Variants in RAB11FIP5 observed in about 807,000 individuals in gnomAD.
RAB11FIP5 encodes rab11 family-interacting protein 5.
Under a neutral mutation model 85.1 loss-of-function variants are expected in RAB11FIP5, and 48 were observed. That is an observed-to-expected ratio of 0.56 (90% CI 0.45 to 0.72). RAB11FIP5 has a LOEUF of 0.72. Among genes scored for constraint, RAB11FIP5 ranks in the 30% least tolerant of loss-of-function variants. RAB11FIP5 has a pLI of 0.00. For synonymous variants in RAB11FIP5, 729 were observed against 727.3 expected, an observed-to-expected ratio of 1.00 and a Z score of -0.04; for missense variants, 1,491 against 1,687.0, an observed-to-expected ratio of 0.88 and a Z score of 2.04.
Position 73,078,399 on chromosome 2 carries a change from G to C in RAB11FIP5, c.3581+1252C>G, listed in dbSNP as rs1334791389. On this transcript the variant is annotated intron_variant, in intron 4 of 5. Coordinates refer to ENST00000486777, the MANE Select transcript of RAB11FIP5 (RefSeq NM_001371272.1). The surrounding 1 kb of genome is among the most constrained non-coding windows in gnomAD (Gnocchi z 4.4). ...ATAAAAAGTGGCAAGTATTATTAGAGGTCATGCTGGCAGACAGCAGGGCCA... is the reference window on the plus strand; with the variant it reads ...ATAAAAAGTGGCAAGTATTATTAGACGTCATGCTGGCAGACAGCAGGGCCA... Among the ~76,000 whole-genome samples, 2 of 152,198 alleles carry C rather than the reference G, an allele frequency of 1.3e-5. No homozygotes were observed. The highest frequency in any genetic ancestry group is 4.8e-5 in the African/African-American group (2 of 41,450).
At chr2:73,106,616 C>A (rs567681344) in intron 1 of RAB11FIP5, among the ~76,000 whole-genome samples, 1 of 152,346 alleles carries the variant, frequency 6.6e-6, no homozygotes, top group South Asian at 2.1e-4. Context: ...TAAAACCTGG[C>A]AGGCACTTCC....
Position 73,081,593 on chromosome 2 carries a change from C to G in RAB11FIP5, c.1639G>C (p.Ala547Pro), listed in dbSNP as rs572221466. ...GGAGCAGGAGTGGGAGGGGCCGGAG[C>G]CCAGGGGGAGCAGGGGAGGTGGTGA... The part of the protein sequence containing the change: ...LPHHLPCSPW[A>P]PAPPTPAPTA... Residue 547 changes from alanine to proline, a missense_variant, in exon 4 of 6, where the codon GCT becomes CCT. Physicochemically the swap from Ala to Pro is conservative, Grantham distance 27 (BLOSUM62 -1). Around this residue, in one of 3 missense-constraint regions of RAB11FIP5, gnomAD observed 1,211 missense variants for 1,338.0 expected, o/e 0.91. Coordinates refer to ENST00000486777, the MANE Select transcript of RAB11FIP5 (RefSeq NM_001371272.1). This position sits in a 1 kb window ranked among gnomAD's most constrained non-coding sequence, Gnocchi z 4.2. 60 of 1,213,192 alleles carry G rather than the reference C, an allele frequency of 4.9e-5. No homozygotes were observed. The South Asian group carries it at 2.0e-3, about 41-fold the overall frequency. 75.2% of individuals were successfully genotyped at this position (1,213,192 alleles called of 1,614,324 possible).
At chr2:73,111,278 G>T (rs1216427093) in intron 1 of RAB11FIP5, among the ~76,000 whole-genome samples, 1 of 152,000 alleles carries the variant, frequency 6.6e-6, no homozygotes, top group Non-Finnish European at 1.5e-5. Context: ...TTTGCACCAG[G>T]CTCATCCCCC....
chr2:73,105,391 C>T (rs1402959127), intron 1 of RAB11FIP5, among the ~76,000 whole-genome samples: 1 of 152,124 alleles, frequency 6.6e-6, no homozygotes, highest in Non-Finnish European at 1.5e-5. Flanking sequence ...TACTGGTGTG[C>T]ACCACCATGC....
intron 4 of RAB11FIP5, among the ~76,000 whole-genome samples, chr2:73,077,551 A>G (rs1306027268): frequency 6.6e-6 from 1 of 152,132 alleles, no homozygotes; most frequent in Non-Finnish European, 1.5e-5. Flanking sequence ...TACAATCTCT[A>G]ACACAATCTG....
intron 1 of RAB11FIP5, among the ~76,000 whole-genome samples, chr2:73,106,504 C>A (rs1684529344): frequency 6.6e-6 from 1 of 152,220 alleles, no homozygotes. Context: ...TGGAATCTCT[C>A]CCCCACCAGT....
At chr2:73,091,289 C>A (rs1684204334) in intron 1 of RAB11FIP5, among the ~76,000 whole-genome samples, 1 of 152,162 alleles carries the variant, frequency 6.6e-6, no homozygotes, top group African/African-American at 2.4e-5. Flanking sequence ...ACACTGGGCA[C>A]CACATGAAGG....
chr2:73,087,969 T>C, intron 3 of RAB11FIP5, 81 bp downstream of exon 3: 1 of 1,375,058 alleles, frequency 7.3e-7, no homozygotes, highest in Middle Eastern at 2.2e-4. Flanking sequence ...TATCTACTCC[T>C]TCCTCCCTGC....
rs1381549536 is a variant in RAB11FIP5 at position 73,075,461 on chromosome 2, G to C, written c.*60C>G. 6.6e-7 allele frequency: 1 copy of C among 1,506,384 alleles called. No homozygotes were observed. Among genetic ancestry groups the C allele is most frequent in the Non-Finnish European group, 9.2e-7 (1 of 1,081,616 alleles). The allele number at this position is 1,506,384 out of a possible 1,614,324, so 93.3% of individuals were successfully genotyped here. A position where few individuals can be genotyped will look rare whatever the true frequency, so the allele number is the denominator to read the frequency against. ...CCACTGCAGATGAGAGAGTTCAGGA[G>C]GAGAGAGGGCAGGCAGCAATAGGTC... On this transcript the variant is annotated 3_prime_UTR_variant, in exon 6 of 6. Transcript: ENST00000486777. This position sits in a 1 kb window ranked among gnomAD's most constrained non-coding sequence, Gnocchi z 4.6.
Position 73,075,162 on chromosome 2 carries a change from G to A in RAB11FIP5, c.*359C>T. On this transcript the variant is annotated 3_prime_UTR_variant, in exon 6 of 6. Coordinates refer to ENST00000486777, the MANE Select transcript of RAB11FIP5 (RefSeq NM_001371272.1). The surrounding 1 kb of genome is among the most constrained non-coding windows in gnomAD (Gnocchi z 4.6). Reference sequence around the variant, plus strand: ...CTGACCATCCTTGGGGGATAATAAAGTATGTGCTAGCAACCAGTCTTGTCC... The same window carrying A: ...CTGACCATCCTTGGGGGATAATAAAATATGTGCTAGCAACCAGTCTTGTCC... The A allele has an allele frequency of 1.9e-6, 1 of 532,542 alleles. No homozygotes were observed. Among genetic ancestry groups the A allele is most frequent in the East Asian group, 4.4e-5 (1 of 22,856 alleles). The allele number at this position is 532,542 out of a possible 1,614,324, so 33.0% of individuals were successfully genotyped here.
chr2:73,099,387 T>C (rs1243363068), intron 1 of RAB11FIP5, among the ~76,000 whole-genome samples: 1 of 152,186 alleles, frequency 6.6e-6, no homozygotes, highest in East Asian at 1.9e-4. Flanking sequence ...TTAAAGACAT[T>C]CTGAGGAGTC....
chr2:73,075,642 C>A lies in RAB11FIP5; in HGVS notation c.3854G>T (p.Arg1285Leu). The A allele has an allele frequency of 6.2e-7, 1 of 1,613,878 alleles. No individual in the cohort carries two copies. Among genetic ancestry groups the A allele is most frequent in the Non-Finnish European group, 8.5e-7 (1 of 1,179,908 alleles). Residue 1285 changes from arginine to leucine, a missense_variant, in exon 6 of 6, where the codon CGG becomes CTG. By Grantham distance (102) the Arg-to-Leu change is moderately radical. Transcript: ENST00000486777. The surrounding 1 kb of genome is among the most constrained non-coding windows in gnomAD (Gnocchi z 4.6). ...ATGCTCGTCCCGCTGGCTCAGCTCCCGCTCCCGCTGCAGGAGCAGGCTGAT... is the reference window on the plus strand; with the variant it reads ...ATGCTCGTCCCGCTGGCTCAGCTCCAGCTCCCGCTGCAGGAGCAGGCTGAT... Reference protein sequence around the residue: ...ELISLLLQRERELSQRDEHVQ... With the variant: ...ELISLLLQRELELSQRDEHVQ...
At position 73,080,982 on chromosome 2, in the gene RAB11FIP5, C is replaced by T; in HGVS notation, c.2250G>A (p.Leu750=). The part of the protein sequence containing the change: ...PGLLGSVGAG[L]PSSSAQLQLR... Reference sequence around the variant, plus strand: ...GCTGTAGCTGGGCTGACGAGGAGGGCAGGCCAGCCCCTACCGACCCGAGGA... The same window carrying T: ...GCTGTAGCTGGGCTGACGAGGAGGGTAGGCCAGCCCCTACCGACCCGAGGA... The change falls in exon 4 of 6, where the codon CTG becomes CTA. Residue 750 remains leucine (L), a synonymous_variant. Coordinates refer to ENST00000486777, the MANE Select transcript of RAB11FIP5 (RefSeq NM_001371272.1). 1 of 1,232,304 alleles carries T rather than the reference C, an allele frequency of 8.1e-7. No homozygotes were observed. Among genetic ancestry groups the T allele is most frequent in the Non-Finnish European group, 1.0e-6 (1 of 988,066 alleles). 76.3% of individuals were successfully genotyped at this position (1,232,304 alleles called of 1,614,324 possible).
chr2:73,090,643 A>C (rs1489787478), intron 1 of RAB11FIP5, among the ~76,000 whole-genome samples: 1 of 152,266 alleles, frequency 6.6e-6, no homozygotes, highest in Non-Finnish European at 1.5e-5. Context: ...AGACAATCTG[A>C]AAAGGCTTCA....
intron 1 of RAB11FIP5, among the ~76,000 whole-genome samples, chr2:73,102,909 T>C (rs1412297737): frequency 2.6e-5 from 4 of 152,180 alleles, no homozygotes; most frequent in South Asian, 2.1e-4. Flanking sequence ...GATAAAATCA[T>C]GCAGTTAAAG....
intron 4 of RAB11FIP5, 21 bp from the exon 5 acceptor site, chr2:73,076,203 T>G (rs1284664078): frequency 6.4e-7 from 1 of 1,570,308 alleles, no homozygotes; most frequent in Middle Eastern, 1.7e-4. Context: ...ATACAAGAGA[T>G]GGGTTACACA....
At chr2:73,085,038 A>G (rs1248941354) in intron 3 of RAB11FIP5, among the ~76,000 whole-genome samples, 1 of 152,222 alleles carries the variant, frequency 6.6e-6, no homozygotes, top group Non-Finnish European at 1.5e-5. Flanking sequence ...TCCAAACCAG[A>G]ACACTGTTAA....
intron 3 of RAB11FIP5, among the ~76,000 whole-genome samples, chr2:73,082,049 T>TC (rs1208102443): frequency 6.6e-6 from 1 of 151,282 alleles, no homozygotes; most frequent in East Asian, 1.9e-4. Flanking sequence ...CCTTTTTTTT[T>TC]TTTTTTTTTT....
At chr2:73,094,052 C>T (rs1405566674) in intron 1 of RAB11FIP5, among the ~76,000 whole-genome samples, 8 of 144,588 alleles carry the variant, frequency 5.5e-5, no homozygotes, top group Admixed American at 7.3e-5. Flanking sequence ...ACCTGGGAAG[C>T]GGAAGTTGCA....
Sources: allele counts gnomAD v4.1 joint callset (sites outside exome capture counted in the v4.1 genomes callset), GRCh38; gene constraint gnomAD v4.1.1; regional missense constraint gnomAD v4.1.1; non-coding constraint Gnocchi (gnomAD v3.1); transcripts MANE v1.5; gene names NCBI Gene and HGNC (gene_info 2026-07-23, HGNC 2026-07-21).